The following KLHL36 variants were observed in gnomAD, a reference collection of about 807,000 sequenced individuals.
KLHL36 encodes kelch-like protein 36.
KLHL36 carries 35 observed loss-of-function variants against 53.3 expected under a neutral mutation model. The ratio of observed to expected loss-of-function variants is 0.66; its 90% CI spans 0.50 to 0.87. The LOEUF is 0.87. Ranked by LOEUF, KLHL36 falls within the 40% of genes least tolerant of loss-of-function variation. The pLI is 0.00. For synonymous variants in KLHL36, 472 were observed against 398.9 expected, an observed-to-expected ratio of 1.18 and a Z score of -2.18; for missense variants, 864 against 897.6, an observed-to-expected ratio of 0.96 and a Z score of 0.48.
Position 84,661,818 on chromosome 16 carries a change from C to T in KLHL36, c.1536C>T (p.Asp512=), listed in dbSNP as rs575099473. The T allele has an allele frequency of 3.5e-5, 57 of 1,609,062 alleles. No individual in the cohort carries two copies. The highest frequency in any genetic ancestry group is 4.3e-5 in the Non-Finnish European group (51 of 1,176,286). Reference sequence around the variant, plus strand: ...ACATCGAGTCCATGGAGCGCTTCGACGTGCTGGGCGTGGAGGCCTACAGCC... The same window carrying T: ...ACATCGAGTCCATGGAGCGCTTCGATGTGCTGGGCGTGGAGGCCTACAGCC... ...DDNIESMERF[D]VLGVEAYSPQ... Residue 512 remains aspartate (D), a synonymous_variant, in exon 5 of 5, where the codon GAC becomes GAT. Coordinates refer to ENST00000564996, the MANE Select transcript of KLHL36 (RefSeq NM_024731.4). The surrounding 1 kb of genome is among the most constrained non-coding windows in gnomAD (Gnocchi z 7.9).
intron 4 of KLHL36, among the ~76,000 whole-genome samples, 156 bp downstream of exon 4, chr16:84,660,073 G>A (rs1907458756): frequency 6.6e-6 from 1 of 152,164 alleles, no homozygotes; most frequent in Admixed American, 6.5e-5. Flanking sequence ...GAGGGGCGGA[G>A]GGCGTGACGG....
chr16:84,650,719 G>A, intron 1 of KLHL36, 133 bp from the exon 2 acceptor site: 2 of 641,702 alleles, frequency 3.1e-6, no homozygotes, highest in East Asian at 6.0e-5. Flanking sequence ...TCTTTGTAGT[G>A]CACGGTCCTC....
rs781080272 is a variant in KLHL36, at chr16:84,657,740, C to T, written c.933C>T (p.Leu311=). The change falls in exon 3 of 5, where the codon CTC becomes CTT. Residue 311 remains leucine, a synonymous_variant. Transcript: ENST00000564996. ...GGEVSERCLE[L]SDDTCYLDAK... ...AGGTCTCCGAGCGGTGTCTGGAGCT[C>T]AGTGACGACACCTGCTACCTGGACG... 6.2e-7 allele frequency: 1 copy of T among 1,612,352 alleles called. No homozygotes were observed. The highest frequency in any genetic ancestry group is 8.5e-7 in the Non-Finnish European group (1 of 1,179,652).
Position 84,666,496 on chromosome 16 carries a change from C to G in KLHL36, c.*4363C>G, listed in dbSNP as rs1369209019. 1.3e-5 allele frequency: 2 copies of G among 152,224 alleles called. No individual in the cohort carries two copies. Among genetic ancestry groups the G allele is most frequent in the Non-Finnish European group, 2.9e-5 (2 of 68,060 alleles). The allele number at this position is 152,224 out of a possible 1,614,324, so 9.4% of individuals were successfully genotyped here. The stretch of plus-strand genomic sequence containing the variant: ...TCTGCGTTTCTTCTAGAGCTCCTAC[C>G]TCAGTGGTGTGCACAGAGTTGGAGA... On this transcript the variant is annotated 3_prime_UTR_variant, in exon 5 of 5. Coordinates refer to ENST00000564996, the MANE Select transcript of KLHL36 (RefSeq NM_024731.4).
chr16:84,656,952 G>C lies in KLHL36; in HGVS notation c.145G>C (p.Val49Leu), dbSNP rs759179309. The C allele has an allele frequency of 6.2e-7, 1 of 1,613,602 alleles. No homozygotes were observed. The highest frequency in any genetic ancestry group is 2.2e-5 in the East Asian group (1 of 44,892). ...TCTCCGCGGGCTCTTCTGCGACGTC[G>C]TCCTGGTGGCCGATGAGCAGCGTGT... ...QRLRGLFCDV[V>L]LVADEQRVPA... The change falls in exon 3 of 5, where the codon GTC (valine) becomes CTC (leucine). Residue 49 changes from valine (V) to leucine (L), a missense_variant. Coordinates refer to ENST00000564996, the MANE Select transcript of KLHL36 (RefSeq NM_024731.4).
intron 2 of KLHL36, among the ~76,000 whole-genome samples, chr16:84,653,086 A>G (rs575563229): frequency 1.6e-4 from 24 of 152,086 alleles, no homozygotes; most frequent in Non-Finnish European, 3.1e-4. Flanking sequence ...GCCTGGTGGC[A>G]TACACCTGTA....
rs753127233 is a variant in KLHL36, at chr16:84,657,126, G to C, written c.319G>C (p.Gly107Arg). Residue 107 changes from glycine (G) to arginine (R), a missense_variant, in exon 3 of 5, where the codon GGG becomes CGG. By Grantham distance (125) the Gly-to-Arg change is moderately radical (BLOSUM62 -2). Coordinates refer to ENST00000564996, the MANE Select transcript of KLHL36 (RefSeq NM_024731.4). ...LKAVVDFLYG[G>R]ELVLDGGNID... ...GGCCGTGGTGGACTTCCTGTACGGC[G>C]GGGAGCTGGTGCTGGATGGCGGCAA... 4 of 1,614,058 alleles carry C rather than the reference G, an allele frequency of 2.5e-6. No homozygotes were observed. Among genetic ancestry groups the C allele is most frequent in the Non-Finnish European group, 3.4e-6 (4 of 1,180,048 alleles).
In KLHL36 at chr16:84,657,326, C is replaced by G. The variant is rs1165749170; in HGVS notation, c.519C>G (p.Asn173Lys). The G allele has an allele frequency of 1.9e-6, 3 of 1,613,564 alleles. No homozygotes were observed. The highest frequency in any genetic ancestry group is 1.1e-5 in the South Asian group (1 of 91,084). ...LDAFIDGFIL[N>K]HFGTLSFTPD... ...CCTTCATCGATGGCTTCATCCTGAA[C>G]CACTTCGGCACGCTGTCCTTTACGC... Residue 173 changes from asparagine (N) to lysine (K), a missense_variant, in exon 3 of 5, where the codon AAC becomes AAG. Coordinates refer to ENST00000564996, the MANE Select transcript of KLHL36 (RefSeq NM_024731.4).
At position 84,661,478 on chromosome 16, in the gene KLHL36, C is replaced by T; in HGVS notation, c.1296-100C>T. On this transcript the variant is annotated intron_variant, in intron 4 of 4. Transcript: ENST00000564996. The surrounding 1 kb of genome is among the most constrained non-coding windows in gnomAD (Gnocchi z 7.9). ...TGCCCACTCCCTATATTCTTAAATC[C>T]TCATGGCCCTCTAAGACGGCAGGCT... 8.2e-7 allele frequency: 1 copy of T among 1,212,560 alleles called. No homozygotes were observed. Among genetic ancestry groups the T allele is most frequent in the Non-Finnish European group, 1.2e-6 (1 of 866,012 alleles). 75.1% of individuals were successfully genotyped at this position (1,212,560 alleles called of 1,614,324 possible).
intron 2 of KLHL36, among the ~76,000 whole-genome samples, chr16:84,652,094 G>C (rs1034579790): frequency 6.6e-6 from 1 of 152,142 alleles, no homozygotes; most frequent in Non-Finnish European, 1.5e-5. Flanking sequence ...AAAACCCAGA[G>C]AGGTCTCGCC....
At chr16:84,658,132 A>G in intron 3 of KLHL36, 188 bp downstream of exon 3, 1 of 505,276 alleles carries the variant, frequency 2.0e-6, no homozygotes, top group South Asian at 3.9e-5. Context: ...GAGCCGACCC[A>G]CCCCTTCGAG....
At chr16:84,654,655 C>T (rs1464994345) in intron 2 of KLHL36, among the ~76,000 whole-genome samples, 4 of 151,920 alleles carry the variant, frequency 2.6e-5, no homozygotes, top group East Asian at 1.9e-4. Flanking sequence ...GCGTTTTGTT[C>T]GTGTTGCCCA....
chr16:84,651,804 C>T (rs959501961), intron 2 of KLHL36, among the ~76,000 whole-genome samples: 3 of 152,028 alleles, frequency 2.0e-5, no homozygotes, highest in Non-Finnish European at 4.4e-5. Context: ...TACAGTGCAT[C>T]TGTGATGTTA....
At position 84,650,850 on chromosome 16, in the gene KLHL36, A is replaced by T; in HGVS notation, c.-16-2A>T. The T allele has an allele frequency of 6.2e-7, 1 of 1,608,152 alleles. No individual in the cohort carries two copies. Among genetic ancestry groups the T allele is most frequent in the Non-Finnish European group, 8.5e-7 (1 of 1,176,612 alleles). On this transcript the variant is annotated splice_acceptor_variant, in intron 1 of 4. Transcript: ENST00000564996. LOFTEE classifies it low-confidence loss of function (5UTR_SPLICE). ...TGCTCAGAAATCCTGTTCTTCTCCT[A>T]GGGCTGAAATCTCTTTAATGATGGA...
At position 84,667,069 on chromosome 16, in the gene KLHL36, A is replaced by AAAAAGAAAAT; in HGVS notation, c.*4940_*4941insGAAAATAAAA. The AAAAAGAAAAT allele has an allele frequency of 6.8e-6, 1 of 146,214 alleles. No individual in the cohort carries two copies. The highest frequency in any genetic ancestry group is 2.0e-4 in the East Asian group (1 of 5,042). The allele number at this position is 146,214 out of a possible 1,614,324, so 9.1% of individuals were successfully genotyped here. On this transcript the variant is annotated 3_prime_UTR_variant, in exon 5 of 5. Transcript: ENST00000564996. The stretch of plus-strand genomic sequence containing the variant: ...CGAGTAAGACTGTCTCAAAAAAAAA[A>AAAAAGAAAAT]AAAAAAAAGAAAAGAAATTGTCCTT...
Position 84,658,248 on chromosome 16 carries a change from T to C in KLHL36, c.1137+304T>C, listed in dbSNP as rs1165557815. 7 of 280,702 alleles carry C rather than the reference T, an allele frequency of 2.5e-5. No homozygotes were observed. The East Asian group carries it at 4.4e-4, about 17-fold the overall frequency. 17.4% of individuals were successfully genotyped at this position (280,702 alleles called of 1,614,324 possible). On this transcript the variant is annotated intron_variant, in intron 3 of 4. Transcript: ENST00000564996. ...GGTAGCCACAGCCGCATGTGGCGAC[T>C]GAGCACTTGAAATGTGGCCAGTGCG...
At chr16:84,652,270 C>G (rs1410413598) in intron 2 of KLHL36, among the ~76,000 whole-genome samples, 4 of 151,764 alleles carry the variant, frequency 2.6e-5, no homozygotes, top group East Asian at 1.9e-4. Context: ...GATGATGTTT[C>G]TAACTTTTTT....
Position 84,662,355 on chromosome 16 carries a change from A to T in KLHL36, c.*222A>T. 1 of 478,840 alleles carries T rather than the reference A, an allele frequency of 2.1e-6. No individual in the cohort carries two copies. 29.7% of individuals were successfully genotyped at this position (478,840 alleles called of 1,614,324 possible). A position where few individuals can be genotyped will look rare whatever the true frequency, so the allele number is the denominator to read the frequency against. ...TAACCCTGGGCCCAGGCAGTGAGCA[A>T]CCCCTTGTATCTTCACAGGTCTTTG... On this transcript the variant is annotated 3_prime_UTR_variant, in exon 5 of 5. Transcript: ENST00000564996.
Position 84,663,220 on chromosome 16 carries a change from G to C in KLHL36, c.*1087G>C. On this transcript the variant is annotated 3_prime_UTR_variant, in exon 5 of 5. Coordinates refer to ENST00000564996, the MANE Select transcript of KLHL36 (RefSeq NM_024731.4). ...GTTTCGTGCTGCTGGGCAAATTCTC[G>C]AACAAGTCCGTGTGTTCCCTCATCC... The C allele has an allele frequency of 6.6e-6, 1 of 152,312 alleles. No individual in the cohort carries two copies. 9.4% of individuals were successfully genotyped at this position (152,312 alleles called of 1,614,324 possible). A position where few individuals can be genotyped will look rare whatever the true frequency, so the allele number is the denominator to read the frequency against.
Sources: gnomAD v4.1 joint callset for allele counts (sites outside exome capture counted in the v4.1 genomes callset) on GRCh38, gnomAD v4.1.1 for gene constraint, Gnocchi (gnomAD v3.1) non-coding constraint, MANE v1.5 for transcripts, NCBI Gene and HGNC (gene_info 2026-07-23, HGNC 2026-07-21) for gene names.